The following UNC13C variants were observed in gnomAD, a reference collection of about 807,000 sequenced individuals.
UNC13C encodes protein unc-13 homolog C.
A neutral mutation model predicts 245.4 loss-of-function variants in UNC13C; 174 were observed. The observed-to-expected ratio is 0.71, with a 90% CI of 0.63 to 0.80. The LOEUF is 0.80. UNC13C is among the 30% of genes least tolerant of loss of function. UNC13C has a pLI of 0.00. For synonymous variants in UNC13C, 992 were observed against 895.1 expected (o/e 1.11, Z -1.93); for missense variants, 2,829 against 2,602.9 (o/e 1.09, Z -1.89).
At chr15:54,572,960 T>C (rs1011523051) in intron 30 of UNC13C, among the ~76,000 whole-genome samples, 9 of 152,154 alleles carry the variant, frequency 5.9e-5, no homozygotes, top group Non-Finnish European at 1.3e-4. Flanking sequence ...CTTTTTTCTG[T>C]TTTTCTCCCT....
At chr15:54,618,183 G>C (rs1900564909) in intron 30 of UNC13C, among the ~76,000 whole-genome samples, 3 of 152,228 alleles carry the variant, frequency 2.0e-5, no homozygotes, top group Admixed American at 2.0e-4. Context: ...ACAGTAAGCA[G>C]GAATTTTTAA....
At chr15:54,104,068 G>C (rs1900308087) in intron 2 of UNC13C, among the ~76,000 whole-genome samples, 1 of 152,206 alleles carries the variant, frequency 6.6e-6, no homozygotes, top group Admixed American at 6.5e-5. Flanking sequence ...AAGATATTGT[G>C]TCGAGTCCTT....
chr15:54,297,982 T>C, intron 12 of UNC13C, 56 bp downstream of exon 12: 2 of 1,188,498 alleles, frequency 1.7e-6, no homozygotes, highest in Admixed American at 4.7e-5. Context: ...TGATTATGGA[T>C]TATAAAACAG....
At chr15:54,258,901 A>G (rs55814452) in intron 8 of UNC13C, among the ~76,000 whole-genome samples, 3,774 of 152,322 alleles carry the variant, frequency 0.025, 83 homozygotes, top group East Asian at 0.072. Context: ...TTTCAGCTGC[A>G]TAAGAAAGTA....
chr15:54,446,212 A>G (rs969310875), intron 19 of UNC13C, among the ~76,000 whole-genome samples: 11 of 152,116 alleles, frequency 7.2e-5, no homozygotes, highest in African/African-American at 2.4e-4. Flanking sequence ...AGTATAGTTT[A>G]AAGTCAGGTA....
At chr15:53,857,131 C>A in the UNC13C span, among the ~76,000 whole-genome samples, 2 of 152,030 alleles carry the variant, frequency 1.3e-5, no homozygotes, top group East Asian at 3.9e-4. Context: ...CTTCCATTTT[C>A]TGTATATCAC....
intron 4 of UNC13C, among the ~76,000 whole-genome samples, chr15:54,191,007 A>G (rs138442278): frequency 1.3e-5 from 2 of 152,248 alleles, no homozygotes; most frequent in African/African-American, 4.8e-5. Context: ...TTTAGTCCAT[A>G]TTAGTTTAGT....
At chr15:54,125,518 A>G (rs7165483) in intron 2 of UNC13C, among the ~76,000 whole-genome samples, 58,468 of 151,970 alleles carry the variant, frequency 0.38, 11,411 homozygotes, top group African/African-American at 0.42. Context: ...TTAAGCCTTT[A>G]TATAAATTTG....
chr15:54,532,630 G>A (rs948324561), intron 25 of UNC13C, among the ~76,000 whole-genome samples: 9 of 150,590 alleles, frequency 6.0e-5, no homozygotes, highest in Admixed American at 2.0e-4. Context: ...TTCCCAAACC[G>A]TGCTCAGAGG....
At chr15:54,169,183 T>C (rs1205870338) in intron 4 of UNC13C, among the ~76,000 whole-genome samples, 1 of 152,216 alleles carries the variant, frequency 6.6e-6, no homozygotes, top group African/African-American at 2.4e-5. Context: ...AAATTTTCCC[T>C]TTTAAAAAGC....
chr15:54,555,098 C>T (rs16974787), intron 28 of UNC13C, among the ~76,000 whole-genome samples: 9,299 of 151,972 alleles, frequency 0.061, 390 homozygotes, highest in Admixed American at 0.13. Flanking sequence ...TAGTCCTCAA[C>T]GTGACAGACA....
chr15:54,547,950 C>T (rs1426615568), intron 27 of UNC13C, among the ~76,000 whole-genome samples: 1 of 151,972 alleles, frequency 6.6e-6, no homozygotes, highest in African/African-American at 2.4e-5. Flanking sequence ...CAGAGGCTCT[C>T]GAATGTAATA....
intron 2 of UNC13C, among the ~76,000 whole-genome samples, chr15:54,065,135 A>G (rs951798089): frequency 1.3e-5 from 2 of 152,200 alleles, no homozygotes; most frequent in Non-Finnish European, 2.9e-5. Flanking sequence ...TGATCTGACT[A>G]CGCAGGAGCT....
intron 30 of UNC13C, among the ~76,000 whole-genome samples, chr15:54,608,626 A>G (rs1022617130): frequency 9.2e-5 from 14 of 152,206 alleles, no homozygotes; most frequent in Non-Finnish European, 4.4e-5. Context: ...TTTTTAGTCT[A>G]TATTTTTTAT....
chr15:54,424,020 G>A (rs1393505436), intron 19 of UNC13C, among the ~76,000 whole-genome samples: 2 of 151,726 alleles, frequency 1.3e-5, no homozygotes, highest in Non-Finnish European at 2.9e-5. Context: ...TACATGTCAT[G>A]GCCTTAGGTG....
chr15:54,498,621 CACAA>C (rs1596478706), intron 20 of UNC13C, among the ~76,000 whole-genome samples: 1 of 152,020 alleles, frequency 6.6e-6, no homozygotes, highest in East Asian at 1.9e-4. Context: ...GTATTATAGC[CACAA>C]ACAATTAGAA....
chr15:54,389,596 T>C lies in UNC13C; in HGVS notation c.4714-3452T>C, dbSNP rs1253876885. Among the ~76,000 whole-genome samples the C allele has an allele frequency of 2.6e-5, 4 of 152,238 alleles. No homozygotes were observed. In the South Asian group the frequency reaches 6.2e-4, roughly 24 times the overall value. On this transcript the variant is annotated intron_variant, in intron 17 of 32. Coordinates refer to ENST00000260323, the MANE Select transcript of UNC13C (RefSeq NM_001080534.3). ...CCTTGTGTGTGTAAGTACATGATAC[T>C]AACATAGAGTAGAACAAACGTTGGA...
intron 17 of UNC13C, among the ~76,000 whole-genome samples, chr15:54,364,425 A>G (rs1205277436): frequency 6.6e-6 from 1 of 152,184 alleles, no homozygotes; most frequent in East Asian, 1.9e-4. Flanking sequence ...AAGCTCAGAG[A>G]CATCAGAATT....
intron 30 of UNC13C, among the ~76,000 whole-genome samples, chr15:54,596,937 T>C (rs2141264836): frequency 6.6e-6 from 1 of 152,296 alleles, no homozygotes; most frequent in Non-Finnish European, 1.5e-5. Context: ...ACCTCTTTTC[T>C]TAACAAGTTA....
Sources: gnomAD v4.1 joint callset for allele counts (sites outside exome capture counted in the v4.1 genomes callset) on GRCh38, gnomAD v4.1.1 for gene constraint, MANE v1.5 for transcripts, NCBI Gene and HGNC (gene_info 2026-07-23, HGNC 2026-07-21) for gene names.